Variants in FHIT observed in about 807,000 individuals in gnomAD.
The protein encoded by FHIT is fragile histidine triad diadenosine triphosphatase, also known as bis(5'-adenosyl)-triphosphatase.
In FHIT, 19 loss-of-function variants were observed where a neutral mutation model predicts 17.9. The ratio of observed to expected loss-of-function variants is 1.06; its 90% CI spans 0.74 to 1.56. The LOEUF (loss-of-function observed/expected upper bound fraction) is 1.56. Ranked by LOEUF, FHIT falls within the 40% of genes most tolerant of loss-of-function variation. The pLI, the probability that FHIT is intolerant of heterozygous loss-of-function variation, is 0.00. For missense variants in FHIT, 248 were observed against 189.2 expected (o/e 1.31, Z -1.82); for synonymous variants, 81 against 69.7 (o/e 1.16, Z -0.81).
At chr3:60,859,993 G>A (rs781774305) in intron 3 of FHIT, among the ~76,000 whole-genome samples, 28 of 109,440 alleles carry the variant, frequency 2.6e-4, no homozygotes, top group South Asian at 1.3e-3. Flanking sequence ...CCAGTGAGCC[G>A]AGATTGTGCC....
rs961187658 is a variant in FHIT at position 60,371,963 on chromosome 3, A to G, written c.103+164897T>C. On this transcript the variant is annotated intron_variant, in intron 5 of 9. Transcript: ENST00000492590. ...AACAGAATCTTCACAATTATGTAAA[A>G]ATTGGCACGGTCCTGCTAGTGACAC... 2.6e-5 allele frequency among the ~76,000 whole-genome samples: 4 copies of G among 152,098 alleles called. No individual in the cohort carries two copies. The East Asian group carries it at 7.7e-4, about 29-fold the overall frequency.
chr3:60,074,830 C>A (rs189261305), intron 5 of FHIT, among the ~76,000 whole-genome samples: 1 of 152,128 alleles, frequency 6.6e-6, no homozygotes, highest in East Asian at 1.9e-4. Flanking sequence ...AGAAGACTTA[C>A]CCTGGGAAAC....
chr3:59,962,842 T>C (rs923256002), intron 7 of FHIT, among the ~76,000 whole-genome samples: 1 of 152,190 alleles, frequency 6.6e-6, no homozygotes, highest in Non-Finnish European at 1.5e-5. Context: ...GAAATAATAA[T>C]AGAACAACTG....
At position 60,190,217 on chromosome 3, in the gene FHIT, C is replaced by T. The variant is rs75460655; in HGVS notation, c.104-176065G>A. ...GACATCACAGAACCAAAATAACGTC[C>T]CACATTCACTTCTTGCTCTGTTATT... On this transcript the variant is annotated intron_variant, in intron 5 of 9. Coordinates refer to ENST00000492590, the MANE Select transcript of FHIT (RefSeq NM_002012.4). Among the ~76,000 whole-genome samples, 194 of 152,126 alleles carry T rather than the reference C, an allele frequency of 1.3e-3. 4 individuals are homozygous for T. In the East Asian group the frequency reaches 0.034, roughly 27 times the overall value.
chr3:59,956,277 C>A (rs535362061), intron 7 of FHIT, among the ~76,000 whole-genome samples: 8 of 152,212 alleles, frequency 5.3e-5, no homozygotes, highest in Admixed American at 2.0e-4. Context: ...TGGTGGCTCA[C>A]ATCTGTAATC....
At chr3:61,139,030 C>CTT (rs368329092) in intron 2 of FHIT, among the ~76,000 whole-genome samples, 109 of 137,282 alleles carry the variant, frequency 7.9e-4, no homozygotes, top group East Asian at 2.2e-3. Context: ...CTATATCAAA[C>CTT]TTTTTTTTTT....
chr3:60,925,250 A>G (rs982497201), intron 3 of FHIT, among the ~76,000 whole-genome samples: 1 of 152,216 alleles, frequency 6.6e-6, no homozygotes, highest in Non-Finnish European at 1.5e-5. Flanking sequence ...TCCAAGACAC[A>G]TAATTGTCAG....
intron 8 of FHIT, among the ~76,000 whole-genome samples, chr3:59,792,642 C>A (rs1233106148): frequency 6.6e-6 from 1 of 152,074 alleles, no homozygotes; most frequent in African/African-American, 2.4e-5. Context: ...ATGTTAAATG[C>A]TTAACAAGAA....
chr3:60,715,043 G>A (rs1202195515), intron 4 of FHIT, among the ~76,000 whole-genome samples: 62 of 152,106 alleles, frequency 4.1e-4, no homozygotes, highest in Non-Finnish European at 6.8e-4. Flanking sequence ...TATACTACAA[G>A]GCTACAGTAA....
chr3:60,150,751 C>G (rs750479495), intron 5 of FHIT, among the ~76,000 whole-genome samples: 1 of 152,084 alleles, frequency 6.6e-6, no homozygotes, highest in African/African-American at 2.4e-5. Flanking sequence ...AACCCCTTCT[C>G]TATTAAAAAG....
At chr3:60,307,309 T>G (rs1307001598) in intron 5 of FHIT, among the ~76,000 whole-genome samples, 1 of 152,196 alleles carries the variant, frequency 6.6e-6, no homozygotes, top group South Asian at 2.1e-4. Context: ...TGACCTTTGA[T>G]TTCTATAGTT....
intron 4 of FHIT, among the ~76,000 whole-genome samples, chr3:60,649,163 C>T (rs1159429922): frequency 6.6e-6 from 1 of 151,960 alleles, no homozygotes; most frequent in African/African-American, 2.4e-5. Flanking sequence ...TTTGGGAGGC[C>T]GAGACGGGTG....
chr3:60,345,074 A>G (rs1328817544), intron 5 of FHIT, among the ~76,000 whole-genome samples: 1 of 152,198 alleles, frequency 6.6e-6, no homozygotes, highest in African/African-American at 2.4e-5. Flanking sequence ...TAAGATTAGG[A>G]ACATCCTAAT....
intron 3 of FHIT, among the ~76,000 whole-genome samples, chr3:60,910,262 G>A (rs898937654): frequency 2.0e-5 from 3 of 152,132 alleles, no homozygotes; most frequent in Non-Finnish European, 2.9e-5. Context: ...GTCTGAAGCT[G>A]CTTAGAGATA....
intron 4 of FHIT, among the ~76,000 whole-genome samples, chr3:60,709,693 T>C (rs1469193739): frequency 6.6e-6 from 1 of 152,212 alleles, no homozygotes; most frequent in Non-Finnish European, 1.5e-5. Flanking sequence ...TGCAATATCA[T>C]CATTGACCTT....
At position 60,661,771 on chromosome 3, in the gene FHIT, T is replaced by C. The variant is rs538074730; in HGVS notation, c.-17-124792A>G. On this transcript the variant is annotated intron_variant, in intron 4 of 9. Coordinates refer to ENST00000492590, the MANE Select transcript of FHIT (RefSeq NM_002012.4). ...TTGCAGCTGTAAGGTAGTATTACAT[T>C]GTGGTTTTGACTCGCATGTTCCTAA... Among the ~76,000 whole-genome samples the C allele has an allele frequency of 1.2e-3, 182 of 152,332 alleles. 1 individual carries two copies. The highest frequency in any genetic ancestry group is 4.2e-3 in the African/African-American group (176 of 41,584).
chr3:59,749,922 C>T (rs550910662), intron 9 of FHIT: 20 of 225,156 alleles, frequency 8.9e-5, no homozygotes, highest in Middle Eastern at 2.6e-3. Flanking sequence ...CTATATTATC[C>T]GTCCTAGTCT....
intron 5 of FHIT, among the ~76,000 whole-genome samples, chr3:60,258,069 C>CAT (rs1334492220): frequency 8.2e-4 from 98 of 120,014 alleles, no homozygotes; most frequent in Middle Eastern, 4.0e-3. Flanking sequence ...ATTAAATACA[C>CAT]ACACACACAC....
intron 4 of FHIT, among the ~76,000 whole-genome samples, chr3:60,761,046 GTAAA>G (rs1699632081): frequency 6.6e-6 from 1 of 152,144 alleles, no homozygotes; most frequent in African/African-American, 2.4e-5. Context: ...TCCCCAGTAT[GTAAA>G]AGCCCAGCTC....
Sources: allele counts gnomAD v4.1 joint callset (sites outside exome capture counted in the v4.1 genomes callset), GRCh38; gene constraint gnomAD v4.1.1; transcripts MANE v1.5; gene names NCBI Gene and HGNC (gene_info 2026-07-23, HGNC 2026-07-21).